The following CPEB1 variants were observed in gnomAD, a reference collection of about 807,000 sequenced individuals.
CPEB1 encodes cytoplasmic polyadenylation element binding protein 1.
Under a neutral mutation model 65.8 loss-of-function variants are expected in CPEB1, and 7 were observed. The ratio of observed to expected loss-of-function variants is 0.11; its 90% CI spans 0.06 to 0.20. The LOEUF is 0.20. CPEB1 is among the 10% of genes least tolerant of loss of function. The pLI, the probability that CPEB1 is intolerant of heterozygous loss-of-function variation, is 1.00. For missense variants in CPEB1, 551 were observed against 712.2 expected (o/e 0.77, Z 2.58); for synonymous variants, 262 against 260.0 (o/e 1.01, Z -0.08).
chr15:82,628,802 A>T, intron 1 of CPEB1: 1 of 210,526 alleles, frequency 4.8e-6, no homozygotes, highest in Non-Finnish European at 9.5e-6. Flanking sequence ...ATTCACTTCC[A>T]CTTAATGAAC....
At chr15:82,581,053 G>A (rs2041236435) in intron 3 of CPEB1, among the ~76,000 whole-genome samples, 3 of 152,092 alleles carry the variant, frequency 2.0e-5, no homozygotes, top group African/African-American at 7.2e-5. Flanking sequence ...TGTTGCCCAG[G>A]CTGTTGCTGA....
At chr15:82,584,078 T>C (rs1036820937) in intron 3 of CPEB1, among the ~76,000 whole-genome samples, 2 of 151,144 alleles carry the variant, frequency 1.3e-5, no homozygotes, top group Non-Finnish European at 2.9e-5. Flanking sequence ...GCTAACAATG[T>C]GAAACCCAGT....
intron 3 of CPEB1, among the ~76,000 whole-genome samples, chr15:82,601,806 T>C (rs2043145137): frequency 6.8e-6 from 1 of 147,334 alleles, no homozygotes; most frequent in African/African-American, 2.5e-5. Flanking sequence ...GAGAGATCAA[T>C]CTACAAAGAA....
chr15:82,560,462 C>T (rs1329267276), intron 4 of CPEB1, among the ~76,000 whole-genome samples: 1 of 147,830 alleles, frequency 6.8e-6, no homozygotes, highest in East Asian at 2.0e-4. Context: ...TGCAGTGGCT[C>T]ACTTCAACCT....
intron 3 of CPEB1, among the ~76,000 whole-genome samples, chr15:82,607,580 C>G (rs1171972229): frequency 1.3e-5 from 2 of 151,974 alleles, no homozygotes; most frequent in Non-Finnish European, 2.9e-5. Flanking sequence ...GAGCGAGACT[C>G]AAGTCTCAAG....
intron 3 of CPEB1, among the ~76,000 whole-genome samples, chr15:82,592,591 A>G (rs1053633369): frequency 1.5e-4 from 23 of 152,018 alleles, no homozygotes; most frequent in Admixed American, 5.2e-4. Flanking sequence ...AAAAAAAAAA[A>G]AAAGTTAATT....
chr15:82,629,312 G>C, intron 1 of CPEB1: 1 of 985,018 alleles, frequency 1.0e-6, no homozygotes, highest in Non-Finnish European at 1.2e-6. Context: ...GAATACAAGA[G>C]AGGTAAGTAC....
At chr15:82,579,829 G>A (rs1038018410) in intron 3 of CPEB1, among the ~76,000 whole-genome samples, 4 of 145,030 alleles carry the variant, frequency 2.8e-5, no homozygotes, top group Admixed American at 7.1e-5. Flanking sequence ...GGAGAATGGC[G>A]TGAACCCGGG....
chr15:82,594,949 T>C (rs904545227), intron 3 of CPEB1, among the ~76,000 whole-genome samples: 3 of 152,150 alleles, frequency 2.0e-5, no homozygotes, highest in Non-Finnish European at 4.4e-5. Context: ...CCATCTTACA[T>C]GGGAATGGTT....
At chr15:82,600,683 C>T (rs1024670732) in intron 3 of CPEB1, among the ~76,000 whole-genome samples, 1 of 151,910 alleles carries the variant, frequency 6.6e-6, no homozygotes, top group Non-Finnish European at 1.5e-5. Flanking sequence ...TGTTGTAATC[C>T]CTAGGTGTAG....
intron 3 of CPEB1, among the ~76,000 whole-genome samples, chr15:82,612,310 A>C (rs1041574539): frequency 6.6e-6 from 1 of 151,848 alleles, no homozygotes; most frequent in Non-Finnish European, 1.5e-5. Flanking sequence ...CAGCCTGCCT[A>C]ACATGGTGAA....
Position 82,571,398 on chromosome 15 carries a change from G to C in CPEB1, c.406C>G (p.Arg136Gly), listed in dbSNP as rs971561948. 4 of 1,614,076 alleles carry C rather than the reference G, an allele frequency of 2.5e-6. No homozygotes were observed. Among genetic ancestry groups the C allele is most frequent in the Admixed American group, 1.7e-5 (1 of 60,004 alleles). ...LQSLSLTGWDRPWSTQDSDSS... is the reference protein window; with the variant it reads ...LQSLSLTGWDGPWSTQDSDSS... ...TCTGAGTCCTGGGTGCTCCAGGGTC[G>C]GTCCCAGCCTGTCAGACTGAGGGAC... The change falls in exon 4 of 13, where the codon CGA (arginine) becomes GGA (glycine). Residue 136 changes from arginine to glycine, a missense_variant. Physicochemically the swap from Arg to Gly is moderately radical, Grantham distance 125. Around this residue, in one of 6 missense-constraint regions of CPEB1, gnomAD observed 223 missense variants for 228.6 expected, o/e 0.98. Transcript: ENST00000684509.
At chr15:82,558,380 G>A (rs780303564) in intron 4 of CPEB1, among the ~76,000 whole-genome samples, 2 of 152,158 alleles carry the variant, frequency 1.3e-5, no homozygotes, top group South Asian at 2.1e-4. Flanking sequence ...ACTGCCTGAC[G>A]ATTTGTTTAT....
chr15:82,648,244 G>C (rs183372420), upstream of CPEB1: 122 of 225,256 alleles, frequency 5.4e-4, no homozygotes, highest in African/African-American at 2.2e-3. Context: ...CCGAGTCACT[G>C]TCTGCCCTGG....
rs114286701 is a variant in CPEB1, at chr15:82,613,871, C to G, written c.271+13322G>C. Among the ~76,000 whole-genome samples, 471 of 152,184 alleles carry G rather than the reference C, an allele frequency of 3.1e-3. 1 individual carries two copies. The highest frequency in any genetic ancestry group is 5.2e-3 in the Non-Finnish European group (355 of 67,974). ...ACTCTACCACCCCGCCCCGCTCCCC[C>G]CTCAATGCCCCCCTGGGACAGCCCG... On this transcript the variant is annotated intron_variant, in intron 3 of 12. Transcript: ENST00000684509.
rs564554340 is a variant in CPEB1, at chr15:82,571,420, G to T, written c.384C>A (p.Ser128=). The change falls in exon 4 of 13, where the codon TCC becomes TCA. Residue 128 remains serine (S), a synonymous_variant. Transcript: ENST00000684509. The part of the protein sequence containing the change: ...DANDLCLGLQ[S]LSLTGWDRPW... ...GTCGGTCCCAGCCTGTCAGACTGAGGGACTGCAGGCCAAGGCACAAGTCAT... is the reference window on the plus strand; with the variant it reads ...GTCGGTCCCAGCCTGTCAGACTGAGTGACTGCAGGCCAAGGCACAAGTCAT... 2 of 1,614,080 alleles carry T rather than the reference G, an allele frequency of 1.2e-6. No homozygotes were observed. Among genetic ancestry groups the T allele is most frequent in the South Asian group, 2.2e-5 (2 of 91,082 alleles).
chr15:82,634,694 A>C (rs1431604863), intron 1 of CPEB1, among the ~76,000 whole-genome samples: 1 of 151,958 alleles, frequency 6.6e-6, no homozygotes, highest in African/African-American at 2.4e-5. Context: ...TCACACTAAA[A>C]ATTTTTCTGA....
At chr15:82,577,927 T>C (rs1466696790) in intron 3 of CPEB1, among the ~76,000 whole-genome samples, 1 of 151,780 alleles carries the variant, frequency 6.6e-6, no homozygotes, top group Non-Finnish European at 1.5e-5. Flanking sequence ...GATCACGAGG[T>C]CAGGAGATCG....
At chr15:82,584,581 G>A (rs1383272002) in intron 3 of CPEB1, among the ~76,000 whole-genome samples, 4 of 151,398 alleles carry the variant, frequency 2.6e-5, no homozygotes, top group Non-Finnish European at 4.4e-5. Context: ...TAGAGGCTGA[G>A]GCAGGAGAAT....
Sources: gnomAD v4.1 joint callset for allele counts (sites outside exome capture counted in the v4.1 genomes callset) on GRCh38, gnomAD v4.1.1 for gene constraint, gnomAD v4.1.1 regional missense constraint, MANE v1.5 for transcripts, NCBI Gene and HGNC (gene_info 2026-07-23, HGNC 2026-07-21) for gene names.